Variants in COL14A1 observed in about 807,000 individuals in gnomAD.
The protein encoded by COL14A1 is collagen type XIV alpha 1 chain, also known as collagen alpha-1(XIV) chain.
In COL14A1, 136 loss-of-function variants were observed where a neutral mutation model predicts 230.3. The ratio of observed to expected loss-of-function variants is 0.59; its 90% CI spans 0.51 to 0.68. COL14A1 has a LOEUF of 0.68. Among genes scored for constraint, COL14A1 ranks in the 30% least tolerant of loss-of-function variants. The pLI, the probability that COL14A1 is intolerant of heterozygous loss-of-function variation, is 0.00. For synonymous variants in COL14A1, 792 were observed against 784.1 expected (o/e 1.01, Z -0.17); for missense variants, 1,976 against 2,215.8 (o/e 0.89, Z 2.17).
intron 40 of COL14A1, among the ~76,000 whole-genome samples, 178 bp from the exon 41 acceptor site, chr8:120,331,963 A>G (rs1448204765): frequency 1.3e-5 from 2 of 152,228 alleles, no homozygotes; most frequent in African/African-American, 4.8e-5. Flanking sequence ...AATGGAGCCA[A>G]CAGTCACAAA....
intron 5 of COL14A1, among the ~76,000 whole-genome samples, chr8:120,179,620 T>C (rs577568773): frequency 2.3e-4 from 35 of 152,248 alleles, no homozygotes; most frequent in African/African-American, 7.5e-4. Flanking sequence ...CTGCCCAAAG[T>C]AATTTATAGA....
intron 4 of COL14A1, among the ~76,000 whole-genome samples, chr8:120,166,948 T>G (rs1192342986): frequency 7.1e-6 from 1 of 141,116 alleles, no homozygotes; most frequent in African/African-American, 2.6e-5. Context: ...GTGGTGGGGG[T>G]GCTCCAAAGT....
Position 120,134,308 on chromosome 8 carries a change from T to C in COL14A1, c.-38+8968T>C, listed in dbSNP as rs574225930. On this transcript the variant is annotated intron_variant, in intron 1 of 47. Coordinates refer to ENST00000297848, the MANE Select transcript of COL14A1 (RefSeq NM_021110.4). ...AGTTTTGATATTTACAATTACTTAA[T>C]AGTCACACATAAATAGAAAATCGAT... 1.1e-4 allele frequency among the ~76,000 whole-genome samples: 16 copies of C among 152,214 alleles called. No individual in the cohort carries two copies. In the East Asian group the frequency reaches 2.9e-3, roughly 28 times the overall value.
At position 120,308,229 on chromosome 8, in the gene COL14A1, G is replaced by A. The variant is rs572513170; in HGVS notation, c.4402-1780G>A. 1.4e-4 allele frequency among the ~76,000 whole-genome samples: 21 copies of A among 152,318 alleles called. No homozygotes were observed. In the South Asian group the frequency reaches 4.1e-3, roughly 30 times the overall value. Reference sequence around the variant, plus strand: ...ACTCCTAACTTCAAGTGATCCACCCGCCTTGGCCTCCCAAAGTGCTGGGAT... The same window carrying A: ...ACTCCTAACTTCAAGTGATCCACCCACCTTGGCCTCCCAAAGTGCTGGGAT... On this transcript the variant is annotated intron_variant, in intron 36 of 47. Coordinates refer to ENST00000297848, the MANE Select transcript of COL14A1 (RefSeq NM_021110.4).
intron 9 of COL14A1, 81 bp downstream of exon 9, chr8:120,203,951 A>G: frequency 7.0e-7 from 1 of 1,428,660 alleles, no homozygotes; most frequent in Non-Finnish European, 9.5e-7. Context: ...AATTCTTTTC[A>G]TTTTTCATGT....
chr8:120,167,360 G>A (rs1341596797), intron 4 of COL14A1, among the ~76,000 whole-genome samples: 2 of 151,978 alleles, frequency 1.3e-5, no homozygotes, highest in Admixed American at 6.6e-5. Context: ...AATGAATGTA[G>A]CAATTAATTG....
chr8:120,309,141 T>G (rs564432218), intron 36 of COL14A1, among the ~76,000 whole-genome samples: 42 of 152,276 alleles, frequency 2.8e-4, no homozygotes, highest in South Asian at 1.2e-3. Flanking sequence ...TTCACCGTGT[T>G]AGCCAGGATG....
intron 23 of COL14A1, among the ~76,000 whole-genome samples, chr8:120,260,706 AAAC>A (rs909450845): frequency 3.9e-5 from 6 of 152,148 alleles, no homozygotes; most frequent in African/African-American, 7.2e-5. Flanking sequence ...ATTGTGGTAA[AAAC>A]AACAACAATG....
Position 120,243,993 on chromosome 8 carries a change from G to T in COL14A1, c.2464G>T (p.Ala822Ser), listed in dbSNP as rs767547791. The T allele has an allele frequency of 1.9e-6, 3 of 1,611,648 alleles. No homozygotes were observed. The highest frequency in any genetic ancestry group is 1.7e-6 in the Non-Finnish European group (2 of 1,178,990). ...GGATGGCGAAGGCGTCAGCGTCTCC[G>T]CTCCTGGAAAAACCTGTAAGTGAAG... ...YTDGEGVSVSAPGKTLPSSGP... is the reference protein window; with the variant it reads ...YTDGEGVSVSSPGKTLPSSGP... The change falls in exon 20 of 48, where the codon GCT becomes TCT. Residue 822 changes from alanine (A) to serine (S), a missense_variant. Physicochemically the swap from Ala to Ser is moderately conservative, Grantham distance 99 (BLOSUM62 1). This residue lies in a region of COL14A1 where 1,791 missense variants were observed against 2,019.5 expected (regional missense o/e 0.89). Transcript: ENST00000297848.
intron 45 of COL14A1, among the ~76,000 whole-genome samples, chr8:120,358,029 T>C (rs1447009108): frequency 6.6e-6 from 1 of 152,244 alleles, no homozygotes; most frequent in Non-Finnish European, 1.5e-5. Context: ...CATTAAATTA[T>C]GTTCCCACCC....
intron 1 of COL14A1, among the ~76,000 whole-genome samples, chr8:120,144,654 G>GA (rs1333520988): frequency 4.6e-5 from 7 of 151,932 alleles, no homozygotes; most frequent in Non-Finnish European, 1.0e-4. Context: ...TATACAGTAA[G>GA]AAAAAACACG....
rs1763040862 is a variant in COL14A1 at position 120,209,905 on chromosome 8, A to G, written c.1467+4A>G. On this transcript the variant is annotated splice_donor_region_variant and intron_variant, in intron 12 of 47. Transcript: ENST00000297848. ...CCTGGCTGGGGATGAAAAAGAGGTAACCACTTCCTACCTATTACAGTCCTA... is the reference window on the plus strand; with the variant it reads ...CCTGGCTGGGGATGAAAAAGAGGTAGCCACTTCCTACCTATTACAGTCCTA... 1.3e-6 allele frequency: 2 copies of G among 1,595,184 alleles called. No individual in the cohort carries two copies. The highest frequency in any genetic ancestry group is 1.7e-6 in the Non-Finnish European group (2 of 1,173,328).
At chr8:120,197,284 G>A (rs2130711430) in intron 6 of COL14A1, among the ~76,000 whole-genome samples, 1 of 152,102 alleles carries the variant, frequency 6.6e-6, no homozygotes, top group Admixed American at 6.6e-5. Context: ...TGTTGAACTA[G>A]AAAATTGGCA....
At chr8:120,250,413 G>A (rs551246737) in intron 21 of COL14A1, among the ~76,000 whole-genome samples, 1 of 152,288 alleles carries the variant, frequency 6.6e-6, no homozygotes, top group East Asian at 1.9e-4. Flanking sequence ...TATATTTAGG[G>A]AAATGACTAG....
chr8:120,335,369 T>C (rs537914768), intron 42 of COL14A1, among the ~76,000 whole-genome samples: 1 of 152,206 alleles, frequency 6.6e-6, no homozygotes, highest in Non-Finnish European at 1.5e-5. Context: ...CCTTGTGCCA[T>C]TGGTGCTTTG....
chr8:120,234,890 A>T (rs1563687827), intron 19 of COL14A1, among the ~76,000 whole-genome samples: 1 of 152,178 alleles, frequency 6.6e-6, no homozygotes. Flanking sequence ...AAGGAATGGT[A>T]CCAGCTCCTC....
intron 5 of COL14A1, among the ~76,000 whole-genome samples, chr8:120,188,232 A>C (rs1445420069): frequency 4.6e-5 from 7 of 151,922 alleles, no homozygotes; most frequent in African/African-American, 1.7e-4. Flanking sequence ...ACAGGCACCC[A>C]CTATCATGCC....
chr8:120,318,987 A>G (rs1821336293), intron 40 of COL14A1, among the ~76,000 whole-genome samples: 1 of 152,144 alleles, frequency 6.6e-6, no homozygotes, highest in Admixed American at 6.5e-5. Flanking sequence ...CTCTAGGGAA[A>G]GGAGGAGGAA....
intron 2 of COL14A1, among the ~76,000 whole-genome samples, chr8:120,154,353 A>G (rs570450494): frequency 6.6e-6 from 1 of 152,322 alleles, no homozygotes; most frequent in African/African-American, 2.4e-5. Flanking sequence ...TCTCCTGCCT[A>G]TGAGCCTCTA....
Sources: gnomAD v4.1 joint callset for allele counts (sites outside exome capture counted in the v4.1 genomes callset) on GRCh38, gnomAD v4.1.1 for gene constraint, gnomAD v4.1.1 regional missense constraint, MANE v1.5 for transcripts, NCBI Gene and HGNC (gene_info 2026-07-23, HGNC 2026-07-21) for gene names.